The following MICAL2 variants were observed in gnomAD, a reference collection of about 807,000 sequenced individuals.
MICAL2 encodes microtubule associated monooxygenase, calponin and LIM domain containing 2.
MICAL2 carries 77 observed loss-of-function variants against 127.3 expected under a neutral mutation model. That is an observed-to-expected ratio of 0.60 (90% CI 0.50 to 0.73). The LOEUF (loss-of-function observed/expected upper bound fraction) is 0.73, where lower values mean the gene tolerates loss of function less well. MICAL2 is among the 30% of genes least tolerant of loss of function. The pLI, the probability that MICAL2 is intolerant of heterozygous loss-of-function variation, is 0.00. For synonymous variants in MICAL2, 570 were observed against 551.1 expected (o/e 1.03, Z -0.48); for missense variants, 1,351 against 1,434.4 (o/e 0.94, Z 0.94).
chr11:12,150,733 G>A (rs759197130), intron 2 of MICAL2, among the ~76,000 whole-genome samples: 2 of 152,150 alleles, frequency 1.3e-5, no homozygotes, highest in Non-Finnish European at 2.9e-5. Flanking sequence ...TAGATACAAA[G>A]GTTCCCCTGG....
downstream of MICAL2, among the ~76,000 whole-genome samples, chr11:12,266,946 C>G (rs1252446955): frequency 6.6e-6 from 1 of 152,214 alleles, no homozygotes; most frequent in Admixed American, 6.5e-5. Context: ...GCATAGAGCG[C>G]CCAGAGGAAA....
chr11:12,110,717 G>T lies in MICAL2; in HGVS notation c.-158G>T, dbSNP rs1252965560. On this transcript the variant is annotated 5_prime_UTR_variant, in exon 1 of 28. Transcript: ENST00000683283. This position sits in a 1 kb window ranked among gnomAD's most constrained non-coding sequence, Gnocchi z 4.5. Reference sequence around the variant, plus strand: ...CCTGACCCGGGGCCGGGCAGCCCGCGCGACTTTCGGTAAGGCGGGGGCGGC... The same window carrying T: ...CCTGACCCGGGGCCGGGCAGCCCGCTCGACTTTCGGTAAGGCGGGGGCGGC... 1 of 150,910 alleles carries T rather than the reference G, an allele frequency of 6.6e-6. No homozygotes were observed. The highest frequency in any genetic ancestry group is 6.6e-5 in the Admixed American group (1 of 15,200). The allele number at this position is 150,910 out of a possible 1,614,324, so 9.3% of individuals were successfully genotyped here. A position where few individuals can be genotyped will look rare whatever the true frequency, so the allele number is the denominator to read the frequency against.
chr11:12,111,236 CCTGG>C (rs1401083240), intron 1 of MICAL2, among the ~76,000 whole-genome samples: 1 of 152,236 alleles, frequency 6.6e-6, no homozygotes, highest in Non-Finnish European at 1.5e-5. Flanking sequence ...ATGTCAGTGG[CCTGG>C]CTGGCCGCGG....
intron 3 of MICAL2, 149 bp from the exon 4 acceptor site, chr11:12,204,101 G>C (rs1221828837): frequency 2.8e-6 from 2 of 708,834 alleles, no homozygotes; most frequent in Non-Finnish European, 4.7e-6. Context: ...TTGGGTGGAT[G>C]AATGACAGGC....
chr11:12,180,818 T>C (rs1203276760), intron 3 of MICAL2, among the ~76,000 whole-genome samples: 1 of 151,996 alleles, frequency 6.6e-6, no homozygotes, highest in African/African-American at 2.4e-5. Flanking sequence ...GGGAAAGATA[T>C]GAGATATATT....
chr11:12,360,761 C>G (rs1257224894), downstream of MICAL2, among the ~76,000 whole-genome samples: 1 of 152,194 alleles, frequency 6.6e-6, no homozygotes, highest in Admixed American at 6.5e-5. Context: ...TGTTCACTTG[C>G]TTTCACAGGC....
intron 21 of MICAL2, among the ~76,000 whole-genome samples, chr11:12,245,504 C>T (rs1163648533): frequency 6.6e-6 from 1 of 152,246 alleles, no homozygotes; most frequent in East Asian, 1.9e-4. Context: ...TTACCAGCCC[C>T]ATCCCATCTG....
chr11:12,319,835 G>A (rs184361958), intron 30 of MICAL2: 2 of 1,582,772 alleles, frequency 1.3e-6, no homozygotes, highest in East Asian at 4.5e-5. Flanking sequence ...ACCAGCCAAA[G>A]AGGGCCTTGG....
intron 4 of MICAL2, chr11:12,207,795 C>A: frequency 2.2e-6 from 1 of 451,540 alleles, no homozygotes. Flanking sequence ...TTTGTTAAGC[C>A]TCAATTTCTC....
intron 32 of MICAL2, among the ~76,000 whole-genome samples, chr11:12,330,900 A>AGAGAGAGTGT (rs1238311364): frequency 0.01 from 1,233 of 119,350 alleles, 41 homozygotes; most frequent in East Asian, 0.061. Flanking sequence ...AGAGAGAGAG[A>AGAGAGAGTGT]GTGTGTGTGT....
intron 15 of MICAL2, among the ~76,000 whole-genome samples, chr11:12,233,740 T>C (rs1858632308): frequency 6.6e-6 from 1 of 152,252 alleles, no homozygotes; most frequent in African/African-American, 2.4e-5. Flanking sequence ...ATAAGTTATT[T>C]ATTCTCATGT....
chr11:12,219,395 CAATT>C (rs1856551691), intron 8 of MICAL2, among the ~76,000 whole-genome samples: 1 of 151,854 alleles, frequency 6.6e-6, no homozygotes, highest in African/African-American at 2.4e-5. Flanking sequence ...AGAAGCATAA[CAATT>C]AGCACCAAAA....
intron 24 of MICAL2, among the ~76,000 whole-genome samples, chr11:12,270,308 T>A (rs960937952): frequency 6.6e-6 from 1 of 152,196 alleles, no homozygotes; most frequent in Non-Finnish European, 1.5e-5. Context: ...TGGCTCTGTA[T>A]TGAAAAGGCG....
intron 3 of MICAL2, among the ~76,000 whole-genome samples, chr11:12,185,511 C>T (rs548880560): frequency 1.3e-5 from 2 of 152,254 alleles, no homozygotes; most frequent in South Asian, 2.1e-4. Flanking sequence ...TCAAAGCCGT[C>T]ACTTGCTGTA....
chr11:12,262,321 C>A, intron 26 of MICAL2, 159 bp from the exon 27 acceptor site: 1 of 1,483,954 alleles, frequency 6.7e-7, no homozygotes. Flanking sequence ...CTCTCCTAAG[C>A]AAACAGCGAC....
At chr11:12,170,813 A>G (rs1856152874) in intron 3 of MICAL2, among the ~76,000 whole-genome samples, 2 of 152,154 alleles carry the variant, frequency 1.3e-5, no homozygotes, top group South Asian at 2.1e-4. Context: ...AGTGCCCCAC[A>G]TTGATGGCTT....
intron 32 of MICAL2, among the ~76,000 whole-genome samples, chr11:12,344,476 T>C (rs1219264802): frequency 2.2e-5 from 2 of 89,696 alleles, no homozygotes; most frequent in Admixed American, 1.2e-4. Context: ...TAGAAACTAT[T>C]ATTATTATTA....
intron 1 of MICAL2, among the ~76,000 whole-genome samples, chr11:12,127,905 A>G (rs1485277542): frequency 6.6e-6 from 1 of 152,206 alleles, no homozygotes; most frequent in African/African-American, 2.4e-5. Flanking sequence ...ACATCTGTAA[A>G]TGGAGATAAA....
chr11:12,143,427 A>G (rs1451701493), intron 2 of MICAL2, among the ~76,000 whole-genome samples: 1 of 152,202 alleles, frequency 6.6e-6, no homozygotes, highest in Non-Finnish European at 1.5e-5. Context: ...AAGAAACATT[A>G]GCAGAGACCA....
Sources: allele counts gnomAD v4.1 joint callset (sites outside exome capture counted in the v4.1 genomes callset), GRCh38; gene constraint gnomAD v4.1.1; non-coding constraint Gnocchi (gnomAD v3.1); transcripts MANE v1.5; gene names NCBI Gene and HGNC (gene_info 2026-07-23, HGNC 2026-07-21).